Variants in TAB2 observed in about 807,000 individuals in gnomAD.
TAB2 encodes the protein TGF-beta activated kinase 1 (MAP3K7) binding protein 2, also known as TGF-beta-activated kinase 1 and MAP3K7-binding protein 2.
A neutral mutation model predicts 65.0 loss-of-function variants in TAB2; 3 were observed. The observed-to-expected ratio is 0.05, with a 90% CI of 0.02 to 0.12. The LOEUF (loss-of-function observed/expected upper bound fraction) is 0.12. Ranked by LOEUF, TAB2 falls within the 10% of genes least tolerant of loss-of-function variation. The pLI is 1.00. For missense variants in TAB2, 623 were observed against 840.3 expected (o/e 0.74, Z 3.20); for synonymous variants, 298 against 285.1 (o/e 1.05, Z -0.46).
At chr6:149,377,336 A>G (rs888385716) in intron 2 of TAB2, among the ~76,000 whole-genome samples, 4 of 151,280 alleles carry the variant, frequency 2.6e-5, no homozygotes, top group South Asian at 4.2e-4. Flanking sequence ...TGGGATTACA[A>G]GCGTAAAAAC....
At chr6:149,279,987 TTC>T (rs919103475) in intron 1 of TAB2, among the ~76,000 whole-genome samples, 1 of 152,240 alleles carries the variant, frequency 6.6e-6, no homozygotes, top group Non-Finnish European at 1.5e-5. Context: ...CAGTCAGCAG[TTC>T]TTTCCATTAA....
chr6:149,396,920 A>C (rs1379869044), intron 3 of TAB2, among the ~76,000 whole-genome samples: 1 of 152,226 alleles, frequency 6.6e-6, no homozygotes, highest in Admixed American at 6.5e-5. Context: ...AGAATGCTTC[A>C]TTCATAGACC....
chr6:149,254,113 GGA>G (rs1777952109), intron 1 of TAB2, among the ~76,000 whole-genome samples: 1 of 97,566 alleles, frequency 1.0e-5, no homozygotes, highest in East Asian at 3.7e-4. Flanking sequence ...AAGGAAGGAA[GGA>G]CAGGGAAGGG....
intron 1 of TAB2, among the ~76,000 whole-genome samples, chr6:149,273,371 A>G (rs1778399829): frequency 6.6e-6 from 1 of 152,210 alleles, no homozygotes; most frequent in Non-Finnish European, 1.5e-5. Flanking sequence ...TATTCTTGGC[A>G]TGGAACAAAC....
intron 1 of TAB2, among the ~76,000 whole-genome samples, chr6:149,345,621 T>C (rs759101163): frequency 2.0e-5 from 3 of 152,344 alleles, no homozygotes; most frequent in East Asian, 3.9e-4. Flanking sequence ...CATGTGTCCT[T>C]CTACTCAGCC....
At chr6:149,307,563 G>C (rs555352859) in intron 1 of TAB2, among the ~76,000 whole-genome samples, 1 of 152,222 alleles carries the variant, frequency 6.6e-6, no homozygotes, top group South Asian at 2.1e-4. Context: ...AATGAGGTCA[G>C]TACTCTGTGA....
intron 1 of TAB2, among the ~76,000 whole-genome samples, chr6:149,264,497 C>A (rs1778220565): frequency 6.6e-6 from 1 of 151,910 alleles, no homozygotes; most frequent in East Asian, 1.9e-4. Flanking sequence ...GTAAAAATTG[C>A]TGGGGCACCT....
At chr6:149,271,840 C>T (rs1562395545) in intron 1 of TAB2, among the ~76,000 whole-genome samples, 4 of 152,022 alleles carry the variant, frequency 2.6e-5, no homozygotes, top group Admixed American at 6.6e-5. Flanking sequence ...CTCAAAGTTA[C>T]TTTTGAGGTT....
chr6:149,284,691 C>T (rs956898272), intron 1 of TAB2, among the ~76,000 whole-genome samples: 106 of 132,000 alleles, frequency 8.0e-4, no homozygotes, highest in Non-Finnish European at 1.4e-3. Context: ...CACACACACA[C>T]ACAAGAATAT....
intron 1 of TAB2, among the ~76,000 whole-genome samples, chr6:149,272,446 T>A (rs984740107): frequency 6.6e-6 from 1 of 152,236 alleles, no homozygotes; most frequent in African/African-American, 2.4e-5. Flanking sequence ...ACTTCTTGCC[T>A]TTTCCAACTT....
intron 1 of TAB2, among the ~76,000 whole-genome samples, chr6:149,292,565 G>T (rs886474996): frequency 6.6e-6 from 1 of 152,200 alleles, no homozygotes. Flanking sequence ...AGAAGAACCA[G>T]TCGTTAAATT....
rs117126801 is a variant in TAB2, at chr6:149,236,735, A to G, written c.-121+17959A>G. ...TTGGAGTTATCTGGCAATGCTGCATATGTTGGCTTCCCTAGGCTACTGTTA... is the reference window on the plus strand; with the variant it reads ...TTGGAGTTATCTGGCAATGCTGCATGTGTTGGCTTCCCTAGGCTACTGTTA... On this transcript the variant is annotated intron_variant, in intron 1 of 1. Coordinates refer to the TAB2 transcript ENST00000606202. Among the ~76,000 whole-genome samples the G allele has an allele frequency of 4.7e-3, 723 of 152,316 alleles. 3 individuals are homozygous for G. Among genetic ancestry groups the G allele is most frequent in the Non-Finnish European group, 8.1e-3 (549 of 68,020 alleles).
intron 1 of TAB2, among the ~76,000 whole-genome samples, chr6:149,366,017 T>C (rs1781028940): frequency 6.6e-6 from 1 of 152,200 alleles, no homozygotes; most frequent in Non-Finnish European, 1.5e-5. Context: ...ACTTAAATCC[T>C]TCAGCATAGT....
In TAB2 at chr6:149,378,180, C is replaced by G. The variant is rs1342145813; in HGVS notation, c.265C>G (p.His89Asp). ...GGACTTGCAATCACAGAACATTTAC[C>G]ACCATGGAAGAGAAGGAAGTAGGAT... ...NLDLQSQNIY[H>D]HGREGSRMNG... The change falls in exon 3 of 7, where the codon CAC becomes GAC. Residue 89 changes from histidine to aspartate, a missense_variant. His to Asp is a moderately conservative substitution (Grantham distance 81). Coordinates refer to ENST00000637181, the MANE Select transcript of TAB2 (RefSeq NM_001292034.3). 2 of 1,614,102 alleles carry G rather than the reference C, an allele frequency of 1.2e-6. No individual in the cohort carries two copies. The highest frequency in any genetic ancestry group is 8.5e-7 in the Non-Finnish European group (1 of 1,180,038).
chr6:149,383,906 G>A (rs1035203243), intron 3 of TAB2, among the ~76,000 whole-genome samples: 30 of 152,186 alleles, frequency 2.0e-4, no homozygotes, highest in African/African-American at 6.7e-4. Flanking sequence ...TTGATCTAGT[G>A]TTTCATTCAC....
chr6:149,369,165 T>C (rs562010982), intron 1 of TAB2, among the ~76,000 whole-genome samples: 1 of 152,300 alleles, frequency 6.6e-6, no homozygotes, highest in African/African-American at 2.4e-5. Flanking sequence ...CTCCTATTTA[T>C]ATCCCCAAAA....
At chr6:149,352,295 C>G (rs1780516674) in intron 1 of TAB2, among the ~76,000 whole-genome samples, 1 of 152,040 alleles carries the variant, frequency 6.6e-6, no homozygotes, top group South Asian at 2.1e-4. Flanking sequence ...CTATGGTGAT[C>G]CATATGTGTT....
At chr6:149,348,690 G>A (rs1780384926) in intron 1 of TAB2, among the ~76,000 whole-genome samples, 1 of 151,724 alleles carries the variant, frequency 6.6e-6, no homozygotes, top group Admixed American at 6.6e-5. Flanking sequence ...AAGGCCGGGC[G>A]CAGTGGCTCA....
At chr6:149,275,291 AG>A (rs754282611) in intron 1 of TAB2, among the ~76,000 whole-genome samples, 1,755 of 146,426 alleles carry the variant, frequency 0.012, 30 homozygotes, top group Middle Eastern at 0.026. Context: ...AAAGAAAGAA[AG>A]AAAGAAAGAG....
Sources: gnomAD v4.1 joint callset for allele counts (sites outside exome capture counted in the v4.1 genomes callset) on GRCh38, gnomAD v4.1.1 for gene constraint, MANE v1.5 for transcripts, NCBI Gene and HGNC (gene_info 2026-07-23, HGNC 2026-07-21) for gene names.